The following SORCS2 variants were observed in gnomAD, a reference collection of about 807,000 sequenced individuals.
The protein encoded by SORCS2 is sortilin related VPS10 domain containing receptor 2.
SORCS2 carries 100 observed loss-of-function variants against 141.6 expected under a neutral mutation model. The observed-to-expected ratio is 0.71, with a 90% CI of 0.60 to 0.83. The LOEUF is 0.83. Ranked by LOEUF, SORCS2 falls within the 40% of genes least tolerant of loss-of-function variation. The probability of loss-of-function intolerance (pLI) is 0.00; values close to 1 mark genes in which losing one functional copy is unlikely to be tolerated. For missense variants in SORCS2, 1,646 were observed against 1,560.2 expected (o/e 1.05, Z -0.93); for synonymous variants, 789 against 676.9 (o/e 1.17, Z -2.57).
intron 3 of SORCS2, among the ~76,000 whole-genome samples, chr4:7,569,491 G>A (rs1255479053): frequency 6.6e-6 from 1 of 152,168 alleles, no homozygotes; most frequent in Admixed American, 6.5e-5. Context: ...CAGCCTGGGG[G>A]ACAGACAGGG....
intron 9 of SORCS2, among the ~76,000 whole-genome samples, chr4:7,677,042 T>A (rs1454015026): frequency 2.6e-5 from 4 of 151,326 alleles, no homozygotes; most frequent in Admixed American, 2.0e-4. Flanking sequence ...TGTCTCTCTC[T>A]CACACTCGCT....
chr4:7,470,283 G>A (rs550354145), intron 2 of SORCS2, among the ~76,000 whole-genome samples: 14 of 147,300 alleles, frequency 9.5e-5, no homozygotes, highest in African/African-American at 3.1e-4. Flanking sequence ...CCATCCTCCC[G>A]TCCTCCCTTC....
intron 3 of SORCS2, among the ~76,000 whole-genome samples, chr4:7,565,759 A>G (rs1714930765): frequency 6.6e-6 from 1 of 150,396 alleles, no homozygotes; most frequent in Admixed American, 6.6e-5. Flanking sequence ...AGTGATGGTG[A>G]TGGTGTCGGT....
At chr4:7,289,991 C>G (rs1716501499) in intron 1 of SORCS2, among the ~76,000 whole-genome samples, 1 of 152,172 alleles carries the variant, frequency 6.6e-6, no homozygotes, top group Admixed American at 6.5e-5. Flanking sequence ...TCTGAGTTGG[C>G]CTTGGCACTC....
At chr4:7,331,105 G>A (rs1324838347) in intron 1 of SORCS2, among the ~76,000 whole-genome samples, 2 of 152,178 alleles carry the variant, frequency 1.3e-5, no homozygotes, top group Admixed American at 6.5e-5. Flanking sequence ...GGCTAGGGGC[G>A]GCGAGAGGCT....
rs1311088136 is a variant in SORCS2 at position 7,517,515 on chromosome 4, G to A, written c.549-14015G>A. 3.9e-5 allele frequency among the ~76,000 whole-genome samples: 6 copies of A among 152,088 alleles called. No individual in the cohort carries two copies. In the South Asian group the frequency reaches 8.3e-4, roughly 21 times the overall value. On this transcript the variant is annotated intron_variant, in intron 2 of 26. Transcript: ENST00000507866. The stretch of plus-strand genomic sequence containing the variant: ...ATTTGGACTGCCTTCAGCAGAAACC[G>A]AATACAGTCAACAGTGCCTCGAAAA...
intron 2 of SORCS2, among the ~76,000 whole-genome samples, chr4:7,426,603 C>T (rs1013593320): frequency 7.2e-5 from 11 of 152,138 alleles, no homozygotes; most frequent in East Asian, 1.9e-4. Context: ...GTCATCAGCC[C>T]GATGGAAATA....
intron 2 of SORCS2, among the ~76,000 whole-genome samples, chr4:7,451,871 G>C (rs1271006508): frequency 6.6e-6 from 1 of 152,204 alleles, no homozygotes; most frequent in East Asian, 1.9e-4. Context: ...GGCTGGGTCT[G>C]AACATTCCCT....
At chr4:7,336,933 G>A (rs1338488208) in intron 1 of SORCS2, among the ~76,000 whole-genome samples, 1 of 152,154 alleles carries the variant, frequency 6.6e-6, no homozygotes, top group Non-Finnish European at 1.5e-5. Flanking sequence ...TGAGCCCCAA[G>A]TTCTCATCTG....
chr4:7,528,111 G>C (rs1483650745), intron 2 of SORCS2, among the ~76,000 whole-genome samples: 3 of 99,988 alleles, frequency 3.0e-5, no homozygotes, highest in African/African-American at 1.0e-4. Context: ...AGGGCACAGT[G>C]TCCACGCTGC....
chr4:7,563,528 G>A (rs940973539), intron 3 of SORCS2, among the ~76,000 whole-genome samples: 1 of 152,150 alleles, frequency 6.6e-6, no homozygotes, highest in African/African-American at 2.4e-5. Flanking sequence ...GCCACTAGAT[G>A]GTCATGGCTG....
intron 2 of SORCS2, among the ~76,000 whole-genome samples, chr4:7,457,627 C>G (rs1430914921): frequency 6.6e-6 from 1 of 151,860 alleles, no homozygotes; most frequent in Non-Finnish European, 1.5e-5. Flanking sequence ...GCATTGCAAG[C>G]TGACAGGTAT....
At chr4:7,220,718 G>A (rs1159696210) in intron 1 of SORCS2, among the ~76,000 whole-genome samples, 9 of 152,220 alleles carry the variant, frequency 5.9e-5, no homozygotes, top group African/African-American at 1.7e-4. Flanking sequence ...CATTTTGCAC[G>A]CTGTGGGGTG....
chr4:7,624,675 T>G (rs1719410178), intron 3 of SORCS2, among the ~76,000 whole-genome samples: 1 of 152,248 alleles, frequency 6.6e-6, no homozygotes, highest in Non-Finnish European at 1.5e-5. Flanking sequence ...GAACAAATTG[T>G]TCACACGTCC....
At chr4:7,569,345 T>G (rs979293544) in intron 3 of SORCS2, among the ~76,000 whole-genome samples, 1 of 152,144 alleles carries the variant, frequency 6.6e-6, no homozygotes, top group Non-Finnish European at 1.5e-5. Context: ...ACCCCGTCTC[T>G]ACTAAAGATA....
At chr4:7,295,687 G>A (rs1717001427) in intron 1 of SORCS2, among the ~76,000 whole-genome samples, 1 of 152,216 alleles carries the variant, frequency 6.6e-6, no homozygotes, top group Admixed American at 6.5e-5. Context: ...GAACGGGACG[G>A]CACTCTCAGC....
At chr4:7,525,517 C>A (rs1284513464) in intron 2 of SORCS2, among the ~76,000 whole-genome samples, 1 of 152,076 alleles carries the variant, frequency 6.6e-6, no homozygotes, top group East Asian at 1.9e-4. Context: ...TTCCCCCAAG[C>A]AGCATGGCAC....
At chr4:7,319,834 A>G (rs79770110) in intron 1 of SORCS2, among the ~76,000 whole-genome samples, 3,703 of 152,370 alleles carry the variant, frequency 0.024, 51 homozygotes, top group Admixed American at 0.041. Flanking sequence ...GCTTTTATGG[A>G]CAAGTGGCTG....
intron 1 of SORCS2, among the ~76,000 whole-genome samples, chr4:7,293,987 C>T (rs567570150): frequency 6.6e-6 from 1 of 152,166 alleles, no homozygotes; most frequent in Non-Finnish European, 1.5e-5. Context: ...TATTGCCGTA[C>T]CCTTTTCCTT....
Sources: gnomAD v4.1 joint callset for allele counts (sites outside exome capture counted in the v4.1 genomes callset) on GRCh38, gnomAD v4.1.1 for gene constraint, MANE v1.5 for transcripts, NCBI Gene and HGNC (gene_info 2026-07-23, HGNC 2026-07-21) for gene names.